The following COL25A1 variants were observed in gnomAD, a reference collection of about 807,000 sequenced individuals.
COL25A1 encodes the protein collagen type XXV alpha 1 chain, also known as collagen alpha-1(XXV) chain.
A neutral mutation model predicts 128.4 loss-of-function variants in COL25A1; 103 were observed. The observed-to-expected ratio is 0.80, with a 90% CI of 0.68 to 0.94. The LOEUF is 0.94. Among genes scored for constraint, COL25A1 ranks in the 40% least tolerant of loss-of-function variants. The pLI, the probability that COL25A1 is intolerant of heterozygous loss-of-function variation, is 0.00. For synonymous variants in COL25A1, 279 were observed against 277.2 expected, an observed-to-expected ratio of 1.01 and a Z score of -0.06; for missense variants, 745 against 840.0, an observed-to-expected ratio of 0.89 and a Z score of 1.40.
At position 109,084,010 on chromosome 4, in the gene COL25A1, A is replaced by C. The variant is rs115982612; in HGVS notation, c.368-33831T>G. ...ATGTAGCATTTTGTTTTGTTTTAAG[A>C]AAAAGGAATAATCCACTACACAAGA... is the stretch of plus-strand genomic sequence containing the variant. On this transcript the variant is annotated intron_variant, in intron 3 of 37. Transcript: ENST00000399132. Among the ~76,000 whole-genome samples, 165 of 152,308 alleles carry C rather than the reference A, an allele frequency of 1.1e-3. 1 individual carries two copies. The highest frequency in any genetic ancestry group is 3.8e-3 in the African/African-American group (159 of 41,560).
chr4:109,130,280 A>C (rs1457484290), intron 3 of COL25A1, among the ~76,000 whole-genome samples: 1 of 152,244 alleles, frequency 6.6e-6, no homozygotes, highest in Non-Finnish European at 1.5e-5. Flanking sequence ...AGTGCTCTAC[A>C]TTATAACAGA....
chr4:109,289,868 GTT>G (rs1479089934), intron 3 of COL25A1, among the ~76,000 whole-genome samples: 4 of 150,342 alleles, frequency 2.7e-5, no homozygotes, highest in Admixed American at 2.6e-4. Context: ...TTAAGGGCCT[GTT>G]TGCTGTATTT....
intron 3 of COL25A1, among the ~76,000 whole-genome samples, chr4:109,065,994 A>T (rs60203305): frequency 0.014 from 2,163 of 152,276 alleles, 58 homozygotes; most frequent in African/African-American, 0.049. Context: ...AGCTGAGCAG[A>T]GCCCCATCAA....
intron 6 of COL25A1, among the ~76,000 whole-genome samples, chr4:109,003,185 A>AGAAT (rs1041830927): frequency 6.6e-6 from 1 of 152,248 alleles, no homozygotes; most frequent in African/African-American, 2.4e-5. Context: ...GGCAACCTAC[A>AGAAT]GAATGGGAGA....
At chr4:108,965,513 A>G (rs964922359) in intron 8 of COL25A1, among the ~76,000 whole-genome samples, 22 of 152,226 alleles carry the variant, frequency 1.4e-4, no homozygotes, top group Admixed American at 6.5e-5. Context: ...ATTCCATTTT[A>G]AAAAGTCATT....
intron 5 of COL25A1, among the ~76,000 whole-genome samples, chr4:109,039,541 C>T (rs574675481): frequency 2.0e-5 from 3 of 152,170 alleles, no homozygotes; most frequent in Non-Finnish European, 4.4e-5. Context: ...TTCCTGATCC[C>T]CTCCACATCT....
At chr4:108,996,476 T>G (rs1361629488) in intron 6 of COL25A1, among the ~76,000 whole-genome samples, 1 of 151,970 alleles carries the variant, frequency 6.6e-6, no homozygotes, top group Non-Finnish European at 1.5e-5. Flanking sequence ...ATAAAGCACA[T>G]CCTTAGAGAC....
intron 3 of COL25A1, among the ~76,000 whole-genome samples, chr4:109,125,435 A>G (rs889469261): frequency 6.6e-6 from 1 of 152,154 alleles, no homozygotes; most frequent in African/African-American, 2.4e-5. Flanking sequence ...TCTTTCAATG[A>G]GTATATTTTC....
chr4:109,034,220 T>C (rs1322649550), intron 5 of COL25A1, among the ~76,000 whole-genome samples: 1 of 152,206 alleles, frequency 6.6e-6, no homozygotes, highest in Non-Finnish European at 1.5e-5. Context: ...CACATTCTCA[T>C]TGATCTTGAG....
intron 3 of COL25A1, among the ~76,000 whole-genome samples, chr4:109,218,354 G>T (rs199694641): frequency 0.13 from 11,545 of 87,148 alleles, 1,076 homozygotes; most frequent in African/African-American, 0.41. Context: ...CTGGTTTTTT[G>T]GGGTTTTTTT....
chr4:108,845,291 A>C lies in COL25A1; in HGVS notation c.1516-40T>G, dbSNP rs955278071. On this transcript the variant is annotated intron_variant, in intron 28 of 37. Coordinates refer to ENST00000399132, the MANE Select transcript of COL25A1 (RefSeq NM_198721.4). ...TAAGCAGAGTTAAGCAGGTAAAGTT[A>C]TTTCCAGTGTAAGAGACAACTGAAT... 3 of 1,535,634 alleles carry C rather than the reference A, an allele frequency of 2.0e-6. No homozygotes were observed. The Admixed American group carries it at 5.0e-5, about 26-fold the overall frequency.
rs145261137 is a variant in COL25A1 at position 108,838,532 on chromosome 4, C to T, written c.1656+3163G>A. Among the ~76,000 whole-genome samples the T allele has an allele frequency of 3.8e-3, 574 of 151,412 alleles. 7 individuals carry two copies. The highest frequency in any genetic ancestry group is 0.014 in the Middle Eastern group (4 of 294). The stretch of plus-strand genomic sequence containing the variant: ...CGAGTGGAGGATGCTGAAGAAGATT[C>T]GGTAGAAAAAAAAACCCACTCTGCT... On this transcript the variant is annotated intron_variant, in intron 31 of 37. Transcript: ENST00000399132.
chr4:108,960,484 T>C (rs1164461699), intron 8 of COL25A1, among the ~76,000 whole-genome samples: 1 of 152,110 alleles, frequency 6.6e-6, no homozygotes, highest in Non-Finnish European at 1.5e-5. Context: ...TAAAATCTTT[T>C]CAATGCTATG....
intron 32 of COL25A1, among the ~76,000 whole-genome samples, chr4:108,828,090 C>A (rs1732599968): frequency 6.6e-6 from 1 of 152,100 alleles, no homozygotes; most frequent in South Asian, 2.1e-4. Flanking sequence ...TGAATCAAAG[C>A]AAATCTATAT....
At chr4:108,902,833 T>C (rs1448108361) in intron 13 of COL25A1, among the ~76,000 whole-genome samples, 1 of 151,974 alleles carries the variant, frequency 6.6e-6, no homozygotes, top group Non-Finnish European at 1.5e-5. Context: ...ATATGCCATT[T>C]GTACATAACA....
intron 36 of COL25A1, among the ~76,000 whole-genome samples, chr4:108,818,168 G>A (rs1311323651): frequency 6.6e-6 from 1 of 152,002 alleles, no homozygotes; most frequent in Admixed American, 6.6e-5. Context: ...ACATCAAGAA[G>A]GCATGCTTCT....
intron 19 of COL25A1, among the ~76,000 whole-genome samples, chr4:108,871,756 T>C (rs1233954224): frequency 2.6e-5 from 4 of 152,238 alleles, no homozygotes; most frequent in Admixed American, 6.5e-5. Context: ...TACTTAATTT[T>C]AGGATCACAG....
At chr4:109,127,888 T>G (rs1467425356) in intron 3 of COL25A1, among the ~76,000 whole-genome samples, 1 of 152,182 alleles carries the variant, frequency 6.6e-6, no homozygotes, top group Non-Finnish European at 1.5e-5. Flanking sequence ...TTTTAAATCT[T>G]GCATAAAATA....
At chr4:109,204,808 C>T (rs1394540000) in intron 3 of COL25A1, among the ~76,000 whole-genome samples, 4 of 151,968 alleles carry the variant, frequency 2.6e-5, no homozygotes, top group Admixed American at 1.3e-4. Flanking sequence ...AACACACACC[C>T]GGGACCCCAA....
Sources: gnomAD v4.1 joint callset for allele counts (sites outside exome capture counted in the v4.1 genomes callset) on GRCh38, gnomAD v4.1.1 for gene constraint, MANE v1.5 for transcripts, NCBI Gene and HGNC (gene_info 2026-07-23, HGNC 2026-07-21) for gene names.